Variants in OGT observed in about 807,000 individuals in gnomAD.
OGT encodes O-linked N-acetylglucosamine (GlcNAc) transferase, also known as UDP-N-acetylglucosamine--peptide N-acetylglucosaminyltransferase 110 kDa subunit.
In OGT, 3 loss-of-function variants were observed where a neutral mutation model predicts 75.8. That is an observed-to-expected ratio of 0.04 (90% confidence interval 0.02 to 0.10). The LOEUF (loss-of-function observed/expected upper bound fraction) is 0.10. Among genes scored for constraint, OGT ranks in the 10% least tolerant of loss-of-function variants. The probability of loss-of-function intolerance (pLI) is 1.00; values close to 1 mark genes in which losing one functional copy is unlikely to be tolerated. For synonymous variants in OGT, 257 were observed against 289.7 expected, an observed-to-expected ratio of 0.89 and a Z score of 1.15; for missense variants, 260 against 824.4, an observed-to-expected ratio of 0.32 and a Z score of 8.38.
intron 21 of OGT, among the ~76,000 whole-genome samples, chrX:71,572,790 A>G (rs2040467801): frequency 9.0e-6 from 1 of 111,731 alleles, no homozygotes. Context: ...AAATAAATAA[A>G]AATTATTGCT....
In OGT at chrX:71,568,136, A is replaced by G; in HGVS notation, c.2966+20A>G. ...AGAATAGTAAGTAAACTTTTCCTTG[A>G]ACAAATTATTTGGTAAAGTAGAGAG... On this transcript the variant is annotated intron_variant, in intron 21 of 21. Transcript: ENST00000373719. 8.6e-7 allele frequency: 1 copy of G among 1,158,679 alleles called. No individual in the cohort carries two copies. The highest frequency in any genetic ancestry group is 2.0e-5 in the South Asian group (1 of 50,599).
chrX:71,550,244 G>C (rs937892436), intron 5 of OGT, among the ~76,000 whole-genome samples: 2 of 112,292 alleles, frequency 1.8e-5, no homozygotes, highest in African/African-American at 3.2e-5. Flanking sequence ...ACTAACACTT[G>C]TTATTATTCG....
At chrX:71,541,915 TCTC>T (rs760121779) in intron 3 of OGT, among the ~76,000 whole-genome samples, 70 of 111,643 alleles carry the variant, frequency 6.3e-4, no homozygotes, top group African/African-American at 2.3e-3. Context: ...CTCCTTTTAT[TCTC>T]ACGATTTTCC....
chrX:71,572,457 T>C (rs754234520), intron 21 of OGT, among the ~76,000 whole-genome samples: 32 of 112,708 alleles, frequency 2.8e-4, no homozygotes, highest in Non-Finnish European at 1.7e-4. Flanking sequence ...ACCATTTTAC[T>C]GCTTCTGTCA....
At chrX:71,561,732 A>T (rs1213731333) in intron 14 of OGT, 43 bp from the exon 15 acceptor site, 1 of 1,084,386 alleles carries the variant, frequency 9.2e-7, no homozygotes, top group East Asian at 3.2e-5. Context: ...AAACTAATTG[A>T]TCTGAGATTA....
chrX:71,568,505 T>C (rs768777125), intron 21 of OGT, among the ~76,000 whole-genome samples: 1 of 112,245 alleles, frequency 8.9e-6, no homozygotes, highest in Admixed American at 9.5e-5. Flanking sequence ...AAGAAAGTGT[T>C]TCAGGCTCTG....
intron 21 of OGT, among the ~76,000 whole-genome samples, chrX:71,570,244 C>T (rs1321680318): frequency 3.5e-5 from 3 of 85,717 alleles, no homozygotes; most frequent in Admixed American, 1.3e-4. Context: ...TTTCACTATG[C>T]TGGCCAGGCT....
At chrX:71,544,481 G>A in intron 3 of OGT, 86 bp from the exon 4 acceptor site, 1 of 850,365 alleles carries the variant, frequency 1.2e-6, no homozygotes, top group Non-Finnish European at 1.7e-6. Flanking sequence ...TAAAATGGCA[G>A]GGAGCTAGAT....
chrX:71,562,017 A>G, intron 15 of OGT, 117 bp downstream of exon 15: 1 of 748,052 alleles, frequency 1.3e-6, no homozygotes, highest in Non-Finnish European at 1.9e-6. Flanking sequence ...ACATACTTTT[A>G]ATTTTTTTAA....
At chrX:71,568,859 CA>C (rs768501498) in intron 21 of OGT, among the ~76,000 whole-genome samples, 1,105 of 99,924 alleles carry the variant, frequency 0.011, 18 homozygotes, top group African/African-American at 0.038. Context: ...AACAAACAAA[CA>C]AAAAAAAAAC....
chrX:71,568,775 C>T (rs999526424), intron 21 of OGT, among the ~76,000 whole-genome samples: 2 of 108,446 alleles, frequency 1.8e-5, no homozygotes, highest in African/African-American at 3.4e-5. Context: ...TTGCAGTGAG[C>T]CGAGATCGCA....
chrX:71,562,297 C>G (rs2040390087), intron 15 of OGT, among the ~76,000 whole-genome samples: 1 of 112,599 alleles, frequency 8.9e-6, no homozygotes, highest in Non-Finnish European at 1.9e-5. Flanking sequence ...AACACCCTAT[C>G]TCTACAAAAA....
At chrX:71,568,148 G>A in intron 21 of OGT, 32 bp downstream of exon 21, 1 of 1,128,779 alleles carries the variant, frequency 8.9e-7, no homozygotes, top group Non-Finnish European at 1.2e-6. Context: ...CAAATTATTT[G>A]GTAAAGTAGA....
chrX:71,564,637 C>T lies in OGT; in HGVS notation c.2473C>T (p.Arg825Cys). The T allele has an allele frequency of 8.3e-7, 1 of 1,201,872 alleles. No homozygotes were observed. Among genetic ancestry groups the T allele is most frequent in the Non-Finnish European group, 1.1e-6 (1 of 887,376 alleles). The change falls in exon 19 of 22, where the codon CGT becomes TGT. Residue 825 changes from arginine to cysteine, a missense_variant. Physicochemically the swap from Arg to Cys is radical, Grantham distance 180. This residue lies in a region of OGT where 79 missense variants were observed against 141.0 expected (regional missense o/e 0.56). Transcript: ENST00000373719. The part of the protein sequence containing the change: ...NKAATGEEVP[R>C]TIIVTTRSQY... ...GGCTGCAACTGGAGAGGAGGTTCCC[C>T]GTACCATTATTGTAACCACCCGTTC...
rs147867557 is a variant in OGT, at chrX:71,561,807, C to T, written c.1884C>T (p.Ile628=). 50 of 1,201,890 alleles carry T rather than the reference C, an allele frequency of 4.2e-5. No homozygotes were observed. In the East Asian group the frequency reaches 1.5e-3, roughly 35 times the overall value. Residue 628 remains isoleucine, a synonymous_variant, in exon 15 of 22, where the codon ATC becomes ATT. Transcript: ENST00000373719. The part of the protein sequence containing the change: ...IPCNGKAADR[I]HQDGIHILVN... ...GCAATGGAAAAGCAGCTGATCGCAT[C>T]CATCAGGATGGAATTCATATCCTTG...
At chrX:71,547,838 C>G in intron 4 of OGT, 69 bp from the exon 5 acceptor site, 3 of 805,420 alleles carry the variant, frequency 3.7e-6, no homozygotes, top group Non-Finnish European at 4.7e-6. Flanking sequence ...TTTTTTTTTC[C>G]CTTTACAAAT....
At chrX:71,555,774 C>T (rs1168571119) in intron 7 of OGT, 180 bp from the exon 8 acceptor site, 22 of 491,268 alleles carry the variant, frequency 4.5e-5, no homozygotes, top group Non-Finnish European at 7.2e-5. Flanking sequence ...GTCTTTTGTA[C>T]AAGTATTGAG....
At chrX:71,546,707 C>T in intron 4 of OGT, 1 of 750,258 alleles carries the variant, frequency 1.3e-6, no homozygotes, top group Non-Finnish European at 1.6e-6. Context: ...TCTAACTCTT[C>T]TTGTTGTTCA....
chrX:71,543,756 GTGTGTGTGTGTATA>G (rs1165535201), intron 3 of OGT, among the ~76,000 whole-genome samples: 2 of 63,113 alleles, frequency 3.2e-5, no homozygotes, highest in African/African-American at 1.3e-4. Context: ...GTGTGTGTGT[GTGTGTGTGTGTATA>G]TATATATATA....
Sources: gnomAD v4.1 joint callset for allele counts (sites outside exome capture counted in the v4.1 genomes callset) on GRCh38, gnomAD v4.1.1 for gene constraint, gnomAD v4.1.1 regional missense constraint, MANE v1.5 for transcripts, NCBI Gene and HGNC (gene_info 2026-07-23, HGNC 2026-07-21) for gene names.